Variants in RYR3 observed in about 807,000 individuals in gnomAD.
RYR3 encodes brain ryanodine receptor-calcium release channel.
RYR3 carries 207 observed loss-of-function variants against 584.3 expected under a neutral mutation model. The observed-to-expected ratio is 0.35, with a 90% CI of 0.32 to 0.40. The LOEUF is 0.40. Ranked by LOEUF, RYR3 falls within the 10% of genes least tolerant of loss-of-function variation. The probability of loss-of-function intolerance (pLI) is 1.00; values close to 1 mark genes in which losing one functional copy is unlikely to be tolerated. For synonymous variants in RYR3, 2,416 were observed against 2,248.5 expected (o/e 1.07, Z -2.11); for missense variants, 5,616 against 6,089.2 (o/e 0.92, Z 2.59).
intron 10 of RYR3, among the ~76,000 whole-genome samples, chr15:33,558,993 T>G (rs1471646586): frequency 6.6e-6 from 1 of 152,120 alleles, no homozygotes; most frequent in African/African-American, 2.4e-5. Context: ...GTTGTCTACT[T>G]TGAATAATTT....
At chr15:33,699,666 A>G in intron 40 of RYR3, 38 bp from the exon 41 acceptor site, 2 of 1,599,734 alleles carry the variant, frequency 1.3e-6, no homozygotes, top group East Asian at 4.5e-5. Context: ...GCCTCATGAT[A>G]GATTCTTTTG....
intron 1 of RYR3, among the ~76,000 whole-genome samples, chr15:33,319,202 G>A (rs1414157081): frequency 6.6e-6 from 1 of 152,178 alleles, no homozygotes; most frequent in Admixed American, 6.5e-5. Flanking sequence ...AATGTCCACA[G>A]TGTGAGAAGA....
intron 3 of RYR3, among the ~76,000 whole-genome samples, chr15:33,514,418 G>GC (rs1391147314): frequency 6.6e-6 from 1 of 152,008 alleles, no homozygotes; most frequent in African/African-American, 2.4e-5. Context: ...TGTAAATGAG[G>GC]CCCGCACCAC....
At chr15:33,627,124 A>C (rs1363074223) in intron 20 of RYR3, among the ~76,000 whole-genome samples, 1 of 152,186 alleles carries the variant, frequency 6.6e-6, no homozygotes, top group African/African-American at 2.4e-5. Context: ...GGTCCTCCTG[A>C]AATGGATGGT....
intron 2 of RYR3, among the ~76,000 whole-genome samples, chr15:33,498,130 G>A (rs1263750013): frequency 6.6e-6 from 1 of 152,158 alleles, no homozygotes; most frequent in Non-Finnish European, 1.5e-5. Flanking sequence ...AACACAGATT[G>A]ATTCCATATC....
At chr15:33,533,241 T>C (rs887403336) in intron 4 of RYR3, 70 bp from the exon 5 acceptor site, 2 of 1,029,942 alleles carry the variant, frequency 1.9e-6, no homozygotes, top group East Asian at 5.2e-5. Flanking sequence ...AACTAGAAGC[T>C]AACTAGTGGT....
At position 33,633,026 on chromosome 15, in the gene RYR3, T is replaced by C. The variant is rs760714101; in HGVS notation, c.2945T>C (p.Leu982Ser). Residue 982 changes from leucine (L) to serine (S), a missense_variant, in exon 24 of 104, where the codon TTA (leucine) becomes TCA (serine). This residue lies in a region of RYR3 where 1,284 missense variants were observed against 1,344.6 expected (regional missense o/e 0.95). Coordinates refer to ENST00000634891, the MANE Select transcript of RYR3 (RefSeq NM_001036.6). The part of the protein sequence containing the change: ...DVKLLPPQEI[L>S]VDKLAENAHN... Reference sequence around the variant, plus strand: ...AAGCTGTTACCTCCTCAAGAAATTTTAGTGGATAAGCTTGCAGAAAATGCA... The same window carrying C: ...AAGCTGTTACCTCCTCAAGAAATTTCAGTGGATAAGCTTGCAGAAAATGCA... 2.1e-5 allele frequency: 34 copies of C among 1,613,916 alleles called. No individual in the cohort carries two copies. The highest frequency in any genetic ancestry group is 2.7e-5 in the Non-Finnish European group (32 of 1,179,884).
intron 2 of RYR3, among the ~76,000 whole-genome samples, chr15:33,477,249 A>C (rs1250829769): frequency 1.3e-5 from 2 of 152,302 alleles, no homozygotes; most frequent in East Asian, 3.9e-4. Flanking sequence ...AATTCTATGG[A>C]GAAGAAAGAC....
At chr15:33,603,015 T>A in intron 17 of RYR3, 108 bp from the exon 18 acceptor site, 1 of 1,158,002 alleles carries the variant, frequency 8.6e-7, no homozygotes, top group Non-Finnish European at 1.3e-6. Context: ...TACACAGCAT[T>A]GCTCTTGTCC....
intron 65 of RYR3, among the ~76,000 whole-genome samples, chr15:33,782,466 CTA>C (rs1477422748): frequency 6.6e-6 from 1 of 152,210 alleles, no homozygotes; most frequent in Non-Finnish European, 1.5e-5. Context: ...CTATGGGACT[CTA>C]TGTCCAGCTC....
intron 12 of RYR3, among the ~76,000 whole-genome samples, chr15:33,568,154 G>A (rs7170917): frequency 3.9e-5 from 6 of 152,070 alleles, no homozygotes; most frequent in African/African-American, 1.5e-4. Flanking sequence ...TAGGGCTGGG[G>A]TGTCTTGGGG....
intron 43 of RYR3, among the ~76,000 whole-genome samples, chr15:33,708,403 G>C (rs967304145): frequency 6.6e-6 from 1 of 152,156 alleles, no homozygotes; most frequent in Non-Finnish European, 1.5e-5. Flanking sequence ...TACCTGGATC[G>C]TGAAGGTAAA....
chr15:33,817,702 C>G (rs73383351), intron 75 of RYR3, among the ~76,000 whole-genome samples: 2,871 of 152,128 alleles, frequency 0.019, 89 homozygotes, highest in African/African-American at 0.066. Flanking sequence ...TGTTTTCTTT[C>G]CCTTTGTCTT....
intron 1 of RYR3, among the ~76,000 whole-genome samples, chr15:33,387,321 G>T (rs1308673399): frequency 6.6e-6 from 1 of 152,154 alleles, no homozygotes; most frequent in East Asian, 1.9e-4. Context: ...AAGAGACTCT[G>T]CTTTCAATTC....
chr15:33,726,636 A>C, intron 46 of RYR3, 130 bp downstream of exon 46: 3 of 953,582 alleles, frequency 3.1e-6, no homozygotes, highest in Non-Finnish European at 3.0e-6. Context: ...CAAGTGTCTC[A>C]CTCTTTTTCC....
chr15:33,417,890 T>C (rs1329284393), intron 1 of RYR3, among the ~76,000 whole-genome samples: 1 of 152,104 alleles, frequency 6.6e-6, no homozygotes. Context: ...GTTTTTATCA[T>C]GATGTTGGAT....
chr15:33,440,617 G>A (rs979129650), intron 1 of RYR3, among the ~76,000 whole-genome samples: 8 of 152,126 alleles, frequency 5.3e-5, no homozygotes, highest in South Asian at 2.1e-4. Context: ...TGTCAGTAGC[G>A]CTAACTTTAA....
chr15:33,667,326 G>A (rs1596058464), intron 36 of RYR3, among the ~76,000 whole-genome samples: 1 of 152,238 alleles, frequency 6.6e-6, no homozygotes, highest in African/African-American at 2.4e-5. Flanking sequence ...CCTATAGGCA[G>A]AATTCAGAGA....
intron 48 of RYR3, among the ~76,000 whole-genome samples, chr15:33,735,533 G>T (rs1054199091): frequency 1.3e-5 from 2 of 152,130 alleles, no homozygotes; most frequent in Non-Finnish European, 1.5e-5. Flanking sequence ...GTTTATGTGT[G>T]TACACCTTTC....
Sources: allele counts gnomAD v4.1 joint callset (sites outside exome capture counted in the v4.1 genomes callset), GRCh38; gene constraint gnomAD v4.1.1; regional missense constraint gnomAD v4.1.1; transcripts MANE v1.5; gene names NCBI Gene and HGNC (gene_info 2026-07-23, HGNC 2026-07-21).